Variants in FHOD3 observed in about 807,000 individuals in gnomAD.
FHOD3 encodes FH1/FH2 domain-containing protein 3.
FHOD3 carries 90 observed loss-of-function variants against 173.0 expected under a neutral mutation model. The observed-to-expected ratio is 0.52, with a 90% confidence interval of 0.44 to 0.62. The LOEUF is 0.62. FHOD3 is among the 20% of genes least tolerant of loss of function. The pLI, the probability that FHOD3 is intolerant of heterozygous loss-of-function variation, is 0.00. For synonymous variants in FHOD3, 828 were observed against 823.0 expected (o/e 1.01, Z -0.10); for missense variants, 1,945 against 2,034.7 (o/e 0.96, Z 0.85).
In FHOD3 at chr18:36,769,406, C is replaced by G. The variant is rs772406333; in HGVS notation, c.4766C>G (p.Ser1589Cys). 1 of 1,614,092 alleles carries G rather than the reference C, an allele frequency of 6.2e-7. No homozygotes were observed. Among genetic ancestry groups the G allele is most frequent in the Admixed American group, 1.7e-5 (1 of 60,022 alleles). The change falls in exon 28 of 29, where the codon TCC (serine) becomes TGC (cysteine). Residue 1589 changes from serine to cysteine, a missense_variant. Physicochemically the swap from Ser to Cys is moderately radical, Grantham distance 112. Transcript: ENST00000590592. ...QRVVPRERKR[S>C]RANRKSLRRT... The stretch of plus-strand genomic sequence containing the variant: ...GTGGTGCCGAGGGAGAGGAAACGAT[C>G]CCGGGCCAACCGGAAATCTTGTGAG...
chr18:36,745,540 AC>A (rs1419145577), intron 23 of FHOD3, among the ~76,000 whole-genome samples: 1 of 151,242 alleles, frequency 6.6e-6, no homozygotes, highest in Non-Finnish European at 1.5e-5. Context: ...ACCTTTGCGA[AC>A]TCTTTCCCCT....
intron 3 of FHOD3, among the ~76,000 whole-genome samples, chr18:36,440,706 C>T (rs558544873): frequency 6.6e-6 from 1 of 152,324 alleles, no homozygotes; most frequent in African/African-American, 2.4e-5. Context: ...GTAGAAAAAA[C>T]CCAATACATA....
intron 5 of FHOD3, among the ~76,000 whole-genome samples, chr18:36,529,731 C>T (rs1204447213): frequency 6.6e-6 from 1 of 152,050 alleles, no homozygotes; most frequent in African/African-American, 2.4e-5. Flanking sequence ...ACCCAGGAGG[C>T]AGAGGTTGCA....
At chr18:36,569,868 T>A (rs557665477) in intron 5 of FHOD3, among the ~76,000 whole-genome samples, 1 of 152,234 alleles carries the variant, frequency 6.6e-6, no homozygotes, top group East Asian at 1.9e-4. Context: ...AAACGTTTTG[T>A]ACTAAATGAA....
intron 6 of FHOD3, among the ~76,000 whole-genome samples, chr18:36,584,011 G>T (rs942657735): frequency 6.6e-6 from 1 of 152,058 alleles, no homozygotes; most frequent in African/African-American, 2.4e-5. Context: ...TGTTTTGAAT[G>T]GAGATGGGGT....
chr18:36,578,615 G>A (rs1042255849), intron 6 of FHOD3, among the ~76,000 whole-genome samples: 3 of 152,128 alleles, frequency 2.0e-5, no homozygotes, highest in Non-Finnish European at 4.4e-5. Context: ...CCATCCCCTG[G>A]CCCTACCCCT....
At chr18:36,747,847 TCTC>T (rs1459221272) in intron 24 of FHOD3, among the ~76,000 whole-genome samples, 1 of 152,204 alleles carries the variant, frequency 6.6e-6, no homozygotes, top group Non-Finnish European at 1.5e-5. Context: ...ACCACTCTCT[TCTC>T]CTTTGCTTTG....
At chr18:36,385,655 C>T (rs1450062929) in intron 3 of FHOD3, among the ~76,000 whole-genome samples, 1 of 152,202 alleles carries the variant, frequency 6.6e-6, no homozygotes, top group Non-Finnish European at 1.5e-5. Flanking sequence ...GCCTGCCTTG[C>T]CTCCCAAAGT....
intron 5 of FHOD3, among the ~76,000 whole-genome samples, chr18:36,563,919 A>G (rs191640464): frequency 2.0e-5 from 3 of 152,072 alleles, no homozygotes; most frequent in Admixed American, 1.3e-4. Context: ...CTTGGGCTTA[A>G]TTACTCGTCT....
chr18:36,630,072 A>G (rs1377506656), intron 10 of FHOD3, among the ~76,000 whole-genome samples: 1 of 152,186 alleles, frequency 6.6e-6, no homozygotes, highest in Non-Finnish European at 1.5e-5. Context: ...ATCGTTGGTT[A>G]TGTAATCCAC....
intron 19 of FHOD3, among the ~76,000 whole-genome samples, chr18:36,723,418 C>G (rs12964192): frequency 1.3e-5 from 2 of 152,048 alleles, no homozygotes; most frequent in Non-Finnish European, 2.9e-5. Flanking sequence ...TTAATACTTT[C>G]CTATACATCT....
chr18:36,701,401 T>A (rs372141777), intron 17 of FHOD3, among the ~76,000 whole-genome samples: 14 of 152,214 alleles, frequency 9.2e-5, no homozygotes, highest in African/African-American at 3.4e-4. Context: ...TGAGAATAAT[T>A]GAACCTGAAA....
chr18:36,490,429 G>A (rs960789075), intron 3 of FHOD3, among the ~76,000 whole-genome samples: 1 of 152,126 alleles, frequency 6.6e-6, no homozygotes, highest in Non-Finnish European at 1.5e-5. Context: ...TTCCTCCTCA[G>A]TAAAGATGAG....
chr18:36,511,110 A>G (rs1297080516), intron 4 of FHOD3, among the ~76,000 whole-genome samples: 1 of 152,144 alleles, frequency 6.6e-6, no homozygotes, highest in Non-Finnish European at 1.5e-5. Flanking sequence ...TATAATAATA[A>G]CCTTTCATTA....
chr18:36,372,607 A>G, intron 2 of FHOD3, 73 bp from the exon 3 acceptor site: 2 of 1,295,264 alleles, frequency 1.5e-6, no homozygotes, highest in Admixed American at 3.6e-5. Flanking sequence ...CAGAACCTTC[A>G]CGTGGATTGA....
At chr18:36,416,351 A>T (rs1000396936) in intron 3 of FHOD3, among the ~76,000 whole-genome samples, 2 of 152,158 alleles carry the variant, frequency 1.3e-5, no homozygotes, top group African/African-American at 4.8e-5. Flanking sequence ...TTTCTTAACC[A>T]TCTATGATTA....
intron 20 of FHOD3, among the ~76,000 whole-genome samples, chr18:36,740,187 A>G (rs1431298916): frequency 2.0e-5 from 3 of 152,188 alleles, no homozygotes; most frequent in East Asian, 1.9e-4. Flanking sequence ...TTTTTCTGCA[A>G]TCAGACTTAA....
intron 3 of FHOD3, among the ~76,000 whole-genome samples, chr18:36,459,192 C>T (rs1376068849): frequency 2.0e-5 from 3 of 152,060 alleles, no homozygotes; most frequent in African/African-American, 7.2e-5. Flanking sequence ...GAACAGAAGC[C>T]ATCATAAGAA....
intron 20 of FHOD3, among the ~76,000 whole-genome samples, chr18:36,738,183 G>A (rs760584156): frequency 6.6e-6 from 1 of 152,190 alleles, no homozygotes; most frequent in Non-Finnish European, 1.5e-5. Context: ...TTATTGCCGA[G>A]TGCTATTGCA....
Sources: gnomAD v4.1 joint callset for allele counts (sites outside exome capture counted in the v4.1 genomes callset) on GRCh38, gnomAD v4.1.1 for gene constraint, MANE v1.5 for transcripts, NCBI Gene and HGNC (gene_info 2026-07-23, HGNC 2026-07-21) for gene names.